Variants in UBR1 observed in about 807,000 individuals in gnomAD.
UBR1 encodes ubiquitin protein ligase E3 component n-recognin 1, also known as E3 ubiquitin-protein ligase UBR1.
A neutral mutation model predicts 242.1 loss-of-function variants in UBR1; 102 were observed. The observed-to-expected ratio is 0.42, with a 90% CI of 0.36 to 0.50. The LOEUF (loss-of-function observed/expected upper bound fraction) is 0.50, where lower values mean the gene tolerates loss of function less well. Ranked by LOEUF, UBR1 falls within the 20% of genes least tolerant of loss-of-function variation. The pLI, the probability that UBR1 is intolerant of heterozygous loss-of-function variation, is 0.01. For synonymous variants in UBR1, 675 were observed against 684.8 expected, an observed-to-expected ratio of 0.99 and a Z score of 0.22; for missense variants, 1,772 against 2,101.8, an observed-to-expected ratio of 0.84 and a Z score of 3.07.
In UBR1 at chr15:42,955,316, A is replaced by G. The variant is rs1271623131; in HGVS notation, c.4835+2697T>C. Reference sequence around the variant, plus strand: ...TACTAACTGCTATCCTTAAAACAAAATGTAAGAGTTATGTGTATTTACTGA... The same window carrying G: ...TACTAACTGCTATCCTTAAAACAAAGTGTAAGAGTTATGTGTATTTACTGA... On this transcript the variant is annotated intron_variant, in intron 44 of 46. Transcript: ENST00000290650. Among the ~76,000 whole-genome samples, 19 of 152,194 alleles carry G rather than the reference A, an allele frequency of 1.2e-4. 1 individual carries two copies. Among genetic ancestry groups the G allele is most frequent in the Admixed American group, 1.1e-3 (17 of 15,280 alleles).
intron 33 of UBR1, among the ~76,000 whole-genome samples, chr15:42,996,046 C>T (rs569885880): frequency 2.0e-5 from 3 of 152,326 alleles, no homozygotes; most frequent in African/African-American, 7.2e-5. Flanking sequence ...AAAAACATTT[C>T]TGTTTTCCAC....
At position 42,949,540 on chromosome 15, in the gene UBR1, T is replaced by G. The variant is rs201074504; in HGVS notation, c.5108+722A>C. Among the ~76,000 whole-genome samples, 7 of 152,190 alleles carry G rather than the reference T, an allele frequency of 4.6e-5. No individual in the cohort carries two copies. In the East Asian group the frequency reaches 1.4e-3, roughly 29 times the overall value. ...TCAGCCGGGCATGGTGGCTCATGCC[T>G]GTAATCCCAGCACTTTGGGAGGCTG... On this transcript the variant is annotated intron_variant, in intron 46 of 46. Transcript: ENST00000290650.
At chr15:43,065,006 G>A (rs955723076) in intron 6 of UBR1, among the ~76,000 whole-genome samples, 2 of 152,192 alleles carry the variant, frequency 1.3e-5, no homozygotes, top group Non-Finnish European at 2.9e-5. Context: ...TTCTGAATGA[G>A]ACAGGGTATA....
chr15:42,973,546 G>T (rs1167085794), intron 39 of UBR1, among the ~76,000 whole-genome samples: 1 of 151,958 alleles, frequency 6.6e-6, no homozygotes, highest in Non-Finnish European at 1.5e-5. Context: ...TGCCCACCTT[G>T]GCCTCCCAAA....
intron 1 of UBR1, among the ~76,000 whole-genome samples, chr15:43,096,319 G>A (rs2034160612): frequency 6.6e-6 from 1 of 151,964 alleles, no homozygotes; most frequent in Non-Finnish European, 1.5e-5. Flanking sequence ...GATTACAGGC[G>A]CCTGGCTCAT....
intron 1 of UBR1, among the ~76,000 whole-genome samples, chr15:43,099,931 A>T (rs2141372120): frequency 6.7e-6 from 1 of 150,208 alleles, no homozygotes; most frequent in South Asian, 2.1e-4. Flanking sequence ...ACTGGAGTGC[A>T]GTGGTGTGAT....
chr15:43,030,160 G>A (rs1258465060), intron 20 of UBR1, 92 bp from the exon 21 acceptor site: 11 of 1,386,948 alleles, frequency 7.9e-6, no homozygotes, highest in South Asian at 7.3e-5. Context: ...ACAGAACACT[G>A]CATTAAATTA....
intron 29 of UBR1, among the ~76,000 whole-genome samples, chr15:43,014,240 A>C (rs1596101474): frequency 6.6e-6 from 1 of 151,118 alleles, no homozygotes; most frequent in East Asian, 1.9e-4. Context: ...TACAACCTCC[A>C]CCTCCCAGCC....
intron 35 of UBR1, among the ~76,000 whole-genome samples, chr15:42,986,242 A>G (rs2032457644): frequency 6.6e-6 from 1 of 152,136 alleles, no homozygotes; most frequent in Non-Finnish European, 1.5e-5. Context: ...CCATCTCCAC[A>G]GGGACTGAGA....
In UBR1 at chr15:42,960,808, G is replaced by C. The variant is rs141191071; in HGVS notation, c.4701-107C>G. On this transcript the variant is annotated intron_variant, in intron 42 of 46. Transcript: ENST00000290650. ...TTTTGAGATGGATTCTCACTCTTTC[G>C]CCCAGGCTGGAGTACAGTGGCAGCA... The C allele has an allele frequency of 3.4e-6, 4 of 1,193,634 alleles. No individual in the cohort carries two copies. The African/African-American group carries it at 6.1e-5, about 18-fold the overall frequency. 73.9% of individuals were successfully genotyped at this position (1,193,634 alleles called of 1,614,324 possible). A position where few individuals can be genotyped will look rare whatever the true frequency, so the allele number is the denominator to read the frequency against.
chr15:42,973,654 T>G (rs2032242224), intron 39 of UBR1, among the ~76,000 whole-genome samples: 1 of 152,170 alleles, frequency 6.6e-6, no homozygotes, highest in East Asian at 1.9e-4. Context: ...GTTCTTTGTA[T>G]ACTTTGGATA....
chr15:43,102,980 C>T (rs2034256646), intron 1 of UBR1, among the ~76,000 whole-genome samples: 1 of 152,156 alleles, frequency 6.6e-6, no homozygotes, highest in African/African-American at 2.4e-5. Context: ...ACCAGCCTGG[C>T]CATATGGCAA....
intron 30 of UBR1, 105 bp downstream of exon 30, chr15:43,006,974 T>G: frequency 9.7e-7 from 1 of 1,030,586 alleles, no homozygotes; most frequent in Non-Finnish European, 1.5e-6. Flanking sequence ...AATGGTATGG[T>G]AGATATATAA....
intron 33 of UBR1, among the ~76,000 whole-genome samples, chr15:42,996,693 G>A (rs1309588964): frequency 6.6e-6 from 1 of 152,170 alleles, no homozygotes; most frequent in Non-Finnish European, 1.5e-5. Context: ...TTCCTCTGTA[G>A]CTTTTGTATA....
At chr15:42,985,605 A>G (rs1438680644) in intron 35 of UBR1, among the ~76,000 whole-genome samples, 1 of 152,170 alleles carries the variant, frequency 6.6e-6, no homozygotes, top group Non-Finnish European at 1.5e-5. Context: ...CGCCCACCTC[A>G]GCCTTCCAAA....
intron 19 of UBR1, among the ~76,000 whole-genome samples, chr15:43,034,010 C>T (rs568421166): frequency 3.3e-5 from 5 of 152,040 alleles, no homozygotes; most frequent in African/African-American, 1.2e-4. Context: ...AAGGCCGAGG[C>T]GGGTGGATCA....
At chr15:43,057,946 G>T (rs959880289) in intron 10 of UBR1, among the ~76,000 whole-genome samples, 7 of 149,358 alleles carry the variant, frequency 4.7e-5, no homozygotes, top group African/African-American at 1.7e-4. Context: ...GTCTCACTCT[G>T]TTGCCCAGAC....
At chr15:43,065,250 T>C (rs2033737850) in intron 6 of UBR1, among the ~76,000 whole-genome samples, 1 of 152,230 alleles carries the variant, frequency 6.6e-6, no homozygotes. Context: ...CTTTTTCTTC[T>C]ATTATTTTCT....
chr15:42,976,983 T>C (rs190904681), intron 38 of UBR1, 116 bp from the exon 39 acceptor site: 2 of 1,149,648 alleles, frequency 1.7e-6, no homozygotes, highest in Admixed American at 4.1e-5. Context: ...GTGTGTTTTT[T>C]AATAAAAACC....
Sources: gnomAD v4.1 joint callset for allele counts (sites outside exome capture counted in the v4.1 genomes callset) on GRCh38, gnomAD v4.1.1 for gene constraint, MANE v1.5 for transcripts, NCBI Gene and HGNC (gene_info 2026-07-23, HGNC 2026-07-21) for gene names.